Variants in ARL15 observed in about 807,000 individuals in gnomAD.
ARL15 encodes ARF like GTPase 15, also known as ADP-ribosylation factor-like protein 15.
In ARL15, 19 loss-of-function variants were observed where a neutral mutation model predicts 25.2. The observed-to-expected ratio is 0.75, with a 90% CI of 0.53 to 1.10. ARL15 has a LOEUF of 1.10. Among genes scored for constraint, ARL15 ranks in the 50% least tolerant of loss-of-function variants. The pLI is 0.00. For missense variants in ARL15, 220 were observed against 246.0 expected, an observed-to-expected ratio of 0.89 and a Z score of 0.71; for synonymous variants, 94 against 86.8, an observed-to-expected ratio of 1.08 and a Z score of -0.46.
At chr5:54,221,254 G>A (rs1158840662) in intron 1 of ARL15, among the ~76,000 whole-genome samples, 2 of 152,164 alleles carry the variant, frequency 1.3e-5, no homozygotes, top group East Asian at 3.9e-4. Context: ...AAGCATTATG[G>A]AAATGAAATG....
chr5:53,941,304 C>G (rs952285059), intron 4 of ARL15, among the ~76,000 whole-genome samples: 1 of 152,050 alleles, frequency 6.6e-6, no homozygotes, highest in African/African-American at 2.4e-5. Context: ...GTATACAGAA[C>G]TACGTGGAAA....
intron 1 of ARL15, among the ~76,000 whole-genome samples, chr5:54,258,313 G>T (rs1757417199): frequency 6.6e-6 from 1 of 152,146 alleles, no homozygotes; most frequent in Admixed American, 6.5e-5. Flanking sequence ...GGGCAACAGA[G>T]TGAGAACCTG....
chr5:54,254,269 G>A (rs1240619087), intron 1 of ARL15, among the ~76,000 whole-genome samples: 1 of 152,124 alleles, frequency 6.6e-6, no homozygotes, highest in Non-Finnish European at 1.5e-5. Context: ...ATTTCATGAT[G>A]CACTCACATT....
chr5:54,006,612 T>G (rs1414876589), intron 4 of ARL15, among the ~76,000 whole-genome samples: 1 of 152,160 alleles, frequency 6.6e-6, no homozygotes, highest in Non-Finnish European at 1.5e-5. Context: ...ATTAAAAAAG[T>G]CTTGTTCAGA....
At chr5:53,980,430 G>A (rs1311806756) in intron 4 of ARL15, among the ~76,000 whole-genome samples, 1 of 152,204 alleles carries the variant, frequency 6.6e-6, no homozygotes, top group Non-Finnish European at 1.5e-5. Context: ...ACAGAGGTCT[G>A]ATGGATGCTT....
At chr5:53,931,037 G>T (rs184177157) in intron 4 of ARL15, among the ~76,000 whole-genome samples, 1 of 152,180 alleles carries the variant, frequency 6.6e-6, no homozygotes, top group African/African-American at 2.4e-5. Flanking sequence ...AATCATAAAT[G>T]GTGATTATAA....
At chr5:54,191,006 C>T (rs1251070248) in intron 1 of ARL15, among the ~76,000 whole-genome samples, 1 of 152,142 alleles carries the variant, frequency 6.6e-6, no homozygotes, top group African/African-American at 2.4e-5. Flanking sequence ...TGTTTGTACA[C>T]TCATGTTCAT....
At chr5:54,238,152 T>A (rs1211622716) in intron 1 of ARL15, among the ~76,000 whole-genome samples, 1 of 152,182 alleles carries the variant, frequency 6.6e-6, no homozygotes, top group Non-Finnish European at 1.5e-5. Flanking sequence ...CCCCTGAGTT[T>A]AACAAAGTTA....
Position 54,279,549 on chromosome 5 carries a change from T to A in ARL15, c.48+30883A>T, listed in dbSNP as rs543919148. On this transcript the variant is annotated intron_variant, in intron 1 of 4. Coordinates refer to ENST00000504924, the MANE Select transcript of ARL15 (RefSeq NM_019087.3). ...CCCTCATGACCTCATCTAAACCTAA[T>A]TATCTCCCAAAGGCCCCATCCCCAA... 2.3e-4 allele frequency among the ~76,000 whole-genome samples: 35 copies of A among 152,298 alleles called. 1 individual carries two copies. The South Asian group carries it at 7.2e-3, about 32-fold the overall frequency.
rs1463017775 is a variant in ARL15, at chr5:53,885,349, T to C, written c.*1212A>G. On this transcript the variant is annotated 3_prime_UTR_variant, in exon 5 of 5. Coordinates refer to ENST00000504924, the MANE Select transcript of ARL15 (RefSeq NM_019087.3). ...AGAAAAGATCAAAGGTGCTAAACCT[T>C]AGTAAAACTGTACATTTATCCCTAT... is the stretch of plus-strand genomic sequence containing the variant. The C allele has an allele frequency of 1.3e-5, 2 of 152,610 alleles. No individual in the cohort carries two copies. The highest frequency in any genetic ancestry group is 2.9e-5 in the Non-Finnish European group (2 of 68,028). The allele number at this position is 152,610 out of a possible 1,614,324, so 9.5% of individuals were successfully genotyped here.
At chr5:54,226,890 G>T (rs1204300776) in intron 1 of ARL15, among the ~76,000 whole-genome samples, 3 of 152,112 alleles carry the variant, frequency 2.0e-5, no homozygotes, top group Admixed American at 1.3e-4. Flanking sequence ...AATCATGGGG[G>T]TGGTTCTCCC....
intron 1 of ARL15, among the ~76,000 whole-genome samples, chr5:54,283,380 A>G (rs1758105504): frequency 6.6e-6 from 1 of 152,258 alleles, no homozygotes; most frequent in African/African-American, 2.4e-5. Context: ...GCAATGGAAA[A>G]TCAAACTCTT....
intron 4 of ARL15, among the ~76,000 whole-genome samples, chr5:54,035,496 C>A (rs911506797): frequency 6.6e-6 from 1 of 152,098 alleles, no homozygotes; most frequent in Admixed American, 6.6e-5. Flanking sequence ...ACTTGGTCAT[C>A]AGAAATGTAA....
chr5:54,281,370 C>G (rs1246699337), intron 1 of ARL15, among the ~76,000 whole-genome samples: 1 of 152,176 alleles, frequency 6.6e-6, no homozygotes, highest in African/African-American at 2.4e-5. Context: ...AAACTCCTGA[C>G]CTCAGGTGAT....
chr5:54,173,447 A>C (rs1282662949), intron 1 of ARL15, among the ~76,000 whole-genome samples: 1 of 152,160 alleles, frequency 6.6e-6, no homozygotes, highest in Non-Finnish European at 1.5e-5. Context: ...AGACCTATAA[A>C]AAAGCCTGTG....
At chr5:53,909,543 C>A (rs1336646354) in intron 4 of ARL15, among the ~76,000 whole-genome samples, 3 of 152,222 alleles carry the variant, frequency 2.0e-5, no homozygotes, top group East Asian at 1.9e-4. Context: ...CCTGTCTCTA[C>A]TAAAAATACA....
intron 4 of ARL15, among the ~76,000 whole-genome samples, chr5:54,059,264 A>G (rs1196998484): frequency 6.6e-6 from 1 of 152,232 alleles, no homozygotes; most frequent in Non-Finnish European, 1.5e-5. Flanking sequence ...AGCAGGCTTA[A>G]AAGGCTCATC....
At chr5:53,946,641 T>G (rs1018484504) in intron 4 of ARL15, among the ~76,000 whole-genome samples, 5 of 152,000 alleles carry the variant, frequency 3.3e-5, no homozygotes, top group African/African-American at 1.2e-4. Flanking sequence ...AGAAGATTCC[T>G]AGGTAAAAAG....
chr5:54,180,712 T>A (rs1755031910), intron 1 of ARL15, among the ~76,000 whole-genome samples: 1 of 152,218 alleles, frequency 6.6e-6, no homozygotes, highest in South Asian at 2.1e-4. Context: ...ACTAAATCTG[T>A]CTTTGCCTTA....
Sources: gnomAD v4.1 joint callset for allele counts (sites outside exome capture counted in the v4.1 genomes callset) on GRCh38, gnomAD v4.1.1 for gene constraint, MANE v1.5 for transcripts, NCBI Gene and HGNC (gene_info 2026-07-23, HGNC 2026-07-21) for gene names.